TAC4: variants seen among roughly 807,000 people sequenced by gnomAD.
TAC4 encodes tachykinin-4.
TAC4 carries 17 observed loss-of-function variants against 17.7 expected under a neutral mutation model. The observed-to-expected ratio is 0.96, with a 90% CI of 0.66 to 1.44. The LOEUF is 1.44. Ranked by LOEUF, TAC4 falls within the 40% of genes most tolerant of loss-of-function variation. The pLI is 0.00. For synonymous variants in TAC4, 62 were observed against 52.4 expected (o/e 1.18, Z -0.79); for missense variants, 118 against 125.6 (o/e 0.94, Z 0.29).
intron 4 of TAC4, 111 bp from the exon 5 acceptor site, chr17:49,838,784 C>T (rs2074475833): frequency 1.9e-6 from 2 of 1,076,448 alleles, no homozygotes; most frequent in Admixed American, 2.6e-5. Flanking sequence ...CCTAACCCCT[C>T]TCTCCTTTCT....
At chr17:49,845,723 C>T (rs930710570) in intron 1 of TAC4, among the ~76,000 whole-genome samples, 3 of 152,162 alleles carry the variant, frequency 2.0e-5, no homozygotes, top group South Asian at 4.1e-4. Flanking sequence ...CTAGGGGTAG[C>T]GCTGGAGCTC....
chr17:49,847,321 A>G (rs962835597), intron 1 of TAC4: 13 of 1,199,204 alleles, frequency 1.1e-5, no homozygotes, highest in African/African-American at 1.6e-5. Flanking sequence ...TGCCTCCCCA[A>G]TCAGATTGTC....
At chr17:49,846,801 C>CGTA (rs1425168791) in intron 1 of TAC4, 13 of 462,908 alleles carry the variant, frequency 2.8e-5, no homozygotes, top group Non-Finnish European at 4.7e-5. Flanking sequence ...CATGGGGCTG[C>CGTA]GTAGTGAGGC....
In TAC4 at chr17:49,846,000, T is replaced by A. The variant is rs2074535440; in HGVS notation, c.106-1843A>T. 2.1e-5 allele frequency: 5 copies of A among 241,196 alleles called. No individual in the cohort carries two copies. In the Admixed American group the frequency reaches 2.9e-4, roughly 14 times the overall value. The allele number at this position is 241,196 out of a possible 1,614,324, so 14.9% of individuals were successfully genotyped here. On this transcript the variant is annotated intron_variant, in intron 1 of 4. Coordinates refer to ENST00000436235, the MANE Select transcript of TAC4 (RefSeq NM_001077506.2). ...TCTGAAAAGCTCATGAAAACCACTT[T>A]GCCTTGGTAAGAGGCAGCCTTCAGG...
At chr17:49,841,863 C>T (rs531266058) in intron 2 of TAC4, among the ~76,000 whole-genome samples, 20 of 150,778 alleles carry the variant, frequency 1.3e-4, no homozygotes, top group African/African-American at 2.7e-4. Context: ...TTAGTTTCCC[C>T]GCTTGTGATA....
At chr17:49,842,338 G>A (rs531295509) in intron 2 of TAC4, among the ~76,000 whole-genome samples, 134 of 151,772 alleles carry the variant, frequency 8.8e-4, no homozygotes, top group Non-Finnish European at 1.6e-3. Context: ...AGACCAGCCC[G>A]GCCAACATAG....
At chr17:49,839,202 G>A (rs774464721) in intron 4 of TAC4, among the ~76,000 whole-genome samples, 2 of 152,162 alleles carry the variant, frequency 1.3e-5, no homozygotes, top group African/African-American at 4.8e-5. Context: ...CTGCAGCTCC[G>A]GTGGAAGAGG....
chr17:49,847,331 C>G, intron 1 of TAC4: 1 of 1,166,890 alleles, frequency 8.6e-7, no homozygotes, highest in South Asian at 1.4e-5. Context: ...ATCAGATTGT[C>G]AGGCAGGAGT....
intron 1 of TAC4, 183 bp downstream of exon 1, chr17:49,847,730 G>A (rs1465357793): frequency 1.3e-5 from 9 of 716,202 alleles, no homozygotes; most frequent in South Asian, 8.7e-5. Context: ...CACACACTTC[G>A]GAGGTCTGCC....
At chr17:49,846,060 A>G (rs960617479) in intron 1 of TAC4, 10 of 408,178 alleles carry the variant, frequency 2.4e-5, no homozygotes, top group East Asian at 9.5e-5. Flanking sequence ...TATGAATTCA[A>G]TAGGACTGAC....
intron 2 of TAC4, among the ~76,000 whole-genome samples, chr17:49,842,629 T>G (rs1178852251): frequency 6.6e-6 from 1 of 152,160 alleles, no homozygotes; most frequent in Non-Finnish European, 1.5e-5. Context: ...TTTTCTCTAT[T>G]TTTATATGTG....
intron 1 of TAC4, among the ~76,000 whole-genome samples, chr17:49,845,662 A>T (rs550300265): frequency 1.3e-5 from 2 of 152,258 alleles, no homozygotes; most frequent in Admixed American, 1.3e-4. Context: ...GCCTGCCAGG[A>T]GCTGGGAGCT....
In TAC4 at chr17:49,839,867, C is replaced by T. The variant is rs779407963; in HGVS notation, c.275G>A (p.Arg92Lys). ...TTGCCTACCTTCTGTGAACAGGCTTCTCTTGCCCAGGAGGCCCTGGAACGT... is the reference window on the plus strand; with the variant it reads ...TTGCCTACCTTCTGTGAACAGGCTTTTCTTGCCCAGGAGGCCCTGGAACGT... ...EHTFQGLLGK[R>K]SLFTEGREDE... Residue 92 changes from arginine (R) to lysine (K), a missense_variant, in exon 4 of 5, where the codon AGA (arginine) becomes AAA (lysine). Coordinates refer to ENST00000436235, the MANE Select transcript of TAC4 (RefSeq NM_001077506.2). 1.2e-6 allele frequency: 2 copies of T among 1,612,174 alleles called. No individual in the cohort carries two copies. Among genetic ancestry groups the T allele is most frequent in the Non-Finnish European group, 8.5e-7 (1 of 1,179,162 alleles).
chr17:49,840,337 A>T (rs1364883856), intron 3 of TAC4, among the ~76,000 whole-genome samples: 1 of 152,048 alleles, frequency 6.6e-6, no homozygotes, highest in Admixed American at 6.6e-5. Context: ...CCATGGAGAC[A>T]AGCTCTGTCT....
chr17:49,839,733 G>T, intron 4 of TAC4, 117 bp downstream of exon 4: 2 of 958,510 alleles, frequency 2.1e-6, no homozygotes, highest in Non-Finnish European at 3.1e-6. Context: ...GCCTCCCCAT[G>T]ATGGCTTGTG....
At chr17:49,844,989 T>C (rs558861021) in intron 1 of TAC4, among the ~76,000 whole-genome samples, 1 of 152,200 alleles carries the variant, frequency 6.6e-6, no homozygotes, top group Non-Finnish European at 1.5e-5. Flanking sequence ...GGGAAGAGGC[T>C]GAGCCAAGAT....
chr17:49,843,346 G>A (rs978202128), intron 2 of TAC4, among the ~76,000 whole-genome samples: 1 of 152,234 alleles, frequency 6.6e-6, no homozygotes, highest in Non-Finnish European at 1.5e-5. Context: ...ACAGGTTTAA[G>A]TTAGTAATTT....
intron 1 of TAC4, chr17:49,847,648 C>T (rs1386567534): frequency 1.3e-5 from 6 of 458,298 alleles, no homozygotes; most frequent in South Asian, 2.1e-5. Flanking sequence ...AGAGATATAC[C>T]GTGTGTTAAA....
chr17:49,839,920 G>A lies in TAC4; in HGVS notation c.233-11C>T. 1 of 1,611,252 alleles carries A rather than the reference G, an allele frequency of 6.2e-7. No homozygotes were observed. The highest frequency in any genetic ancestry group is 8.5e-7 in the Non-Finnish European group (1 of 1,178,748). ...GTTCCAGCTGATATGCTGGTGGTGG[G>A]AGAGAGAAGTGGTAGAGGAGAGAGG... On this transcript the variant is annotated splice_polypyrimidine_tract_variant and intron_variant, in intron 3 of 4. Coordinates refer to ENST00000436235, the MANE Select transcript of TAC4 (RefSeq NM_001077506.2).
Sources: gnomAD v4.1 joint callset for allele counts (sites outside exome capture counted in the v4.1 genomes callset) on GRCh38, gnomAD v4.1.1 for gene constraint, MANE v1.5 for transcripts, NCBI Gene and HGNC (gene_info 2026-07-23, HGNC 2026-07-21) for gene names.